TLR5: variants seen among roughly 807,000 people sequenced by gnomAD.
The protein encoded by TLR5 is toll-like receptor 5.
For synonymous variants in TLR5, 373 were observed against 384.4 expected, an observed-to-expected ratio of 0.97 and a Z score of 0.35; for missense variants, 944 against 999.8, an observed-to-expected ratio of 0.94 and a Z score of 0.75.
intron 5 of TLR5, among the ~76,000 whole-genome samples, chr1:223,130,223 C>T (rs1161125239): frequency 6.6e-6 from 1 of 152,128 alleles, no homozygotes; most frequent in African/African-American, 2.4e-5. Flanking sequence ...AGCTGCAGAC[C>T]ACCTACTAAA....
chr1:223,132,243 G>C (rs906318686), intron 5 of TLR5, among the ~76,000 whole-genome samples: 3 of 152,088 alleles, frequency 2.0e-5, no homozygotes, highest in Admixed American at 6.5e-5. Flanking sequence ...TGCACCTGTA[G>C]TCTGAGCTAT....
intron 5 of TLR5, among the ~76,000 whole-genome samples, chr1:223,126,561 A>C (rs1056316712): frequency 6.6e-6 from 1 of 152,224 alleles, no homozygotes; most frequent in Non-Finnish European, 1.5e-5. Context: ...ACAAATACCC[A>C]AACTGGACTT....
At chr1:223,118,877 G>T (rs952580431) in intron 5 of TLR5, among the ~76,000 whole-genome samples, 1 of 152,082 alleles carries the variant, frequency 6.6e-6, no homozygotes, top group Non-Finnish European at 1.5e-5. Context: ...GCTGAGGCAG[G>T]CGGATCACCT....
chr1:223,112,345 C>T lies in TLR5; in HGVS notation c.687G>A (p.Glu229=). ...AGCCATTTCCAGAAACATCTAGTAT[C>T]TCCAGCACCATGTTTCTGAATGGGT... ...CMNPFRNMVL[E]ILDVSGNGWT... The change falls in exon 6 of 6, where the codon GAG becomes GAA. Residue 229 remains glutamate, a synonymous_variant. Coordinates refer to ENST00000642603, the MANE Select transcript of TLR5 (RefSeq NM_003268.6). The T allele has an allele frequency of 6.2e-7, 1 of 1,614,214 alleles. No homozygotes were observed. Among genetic ancestry groups the T allele is most frequent in the Non-Finnish European group, 8.5e-7 (1 of 1,180,048 alleles).
Position 223,110,396 on chromosome 1 carries a change from G to A in TLR5, c.*59C>T. ...GAGGACCCCAAAATGATAACTTGGT[G>A]CAAATACAAAGTGAAGAGTTATTTG... On this transcript the variant is annotated 3_prime_UTR_variant, in exon 6 of 6. Coordinates refer to ENST00000642603, the MANE Select transcript of TLR5 (RefSeq NM_003268.6). The A allele has an allele frequency of 3.8e-6, 6 of 1,578,864 alleles. No individual in the cohort carries two copies. The highest frequency in any genetic ancestry group is 2.2e-5 in the East Asian group (1 of 44,698).
chr1:223,126,907 A>G (rs750754977), intron 5 of TLR5: 2 of 152,262 alleles, frequency 1.3e-5, no homozygotes, highest in Non-Finnish European at 2.9e-5. Flanking sequence ...GAGAAGGGTC[A>G]GTATCCCTTT....
chr1:223,119,190 C>T (rs576032053), intron 5 of TLR5, among the ~76,000 whole-genome samples: 1 of 152,190 alleles, frequency 6.6e-6, no homozygotes, highest in East Asian at 1.9e-4. Flanking sequence ...TTGGTTGACA[C>T]GTGCATGACA....
At chr1:223,118,801 A>G (rs1009583162) in intron 5 of TLR5, among the ~76,000 whole-genome samples, 1 of 151,940 alleles carries the variant, frequency 6.6e-6, no homozygotes, top group Non-Finnish European at 1.5e-5. Flanking sequence ...GCCCTGACCT[A>G]GAAGGAAGTC....
At chr1:223,126,635 TTAC>T (rs1657178091) in intron 5 of TLR5, among the ~76,000 whole-genome samples, 1 of 152,202 alleles carries the variant, frequency 6.6e-6, no homozygotes, top group Non-Finnish European at 1.5e-5. Context: ...CATATCCCAG[TTAC>T]TCTGAAGCTA....
rs1403423173 is a variant in TLR5, at chr1:223,112,897, G to C, written c.135C>G (p.Leu45=). The stretch of plus-strand genomic sequence containing the variant: ...TCAGCAGGAGCCTCTCAGTGGTGTT[G>C]AGGACCTGGGGGACCTGGGTGAGGT... The part of the protein sequence containing the change: ...FCNLTQVPQV[L]NTTERLLLSF... The change falls in exon 6 of 6, where the codon CTC becomes CTG. Residue 45 remains leucine (L), a synonymous_variant. Coordinates refer to ENST00000642603, the MANE Select transcript of TLR5 (RefSeq NM_003268.6). 3 of 1,614,188 alleles carry C rather than the reference G, an allele frequency of 1.9e-6. No homozygotes were observed. Among genetic ancestry groups the C allele is most frequent in the South Asian group, 1.1e-5 (1 of 91,078 alleles).
intron 5 of TLR5, among the ~76,000 whole-genome samples, chr1:223,129,768 C>T (rs937047795): frequency 6.6e-6 from 1 of 152,248 alleles, no homozygotes; most frequent in African/African-American, 2.4e-5. Flanking sequence ...AGCCATCACA[C>T]GCCTGAGCAG....
At chr1:223,134,481 C>A (rs1657524609) in intron 4 of TLR5, 1 of 152,190 alleles carries the variant, frequency 6.6e-6, no homozygotes, top group African/African-American at 2.4e-5. Flanking sequence ...GGCGCTGATA[C>A]TCTGAAAAGT....
At chr1:223,141,818 TATATAG>T (rs1376259998) in intron 1 of TLR5, 55 bp from the exon 2 acceptor site, 534 of 43,158 alleles carry the variant, frequency 0.012, 2 homozygotes, top group Middle Eastern at 0.036. Context: ...TATATATATA[TATATAG>T]AGAGAGAGAG....
chr1:223,138,558 C>T (rs984784602), intron 2 of TLR5, among the ~76,000 whole-genome samples: 2 of 152,174 alleles, frequency 1.3e-5, no homozygotes, highest in African/African-American at 4.8e-5. Flanking sequence ...TAGGCCTGAC[C>T]TCACTTGTAC....
intron 4 of TLR5, 50 bp downstream of exon 4, chr1:223,134,632 T>C (rs529653954): frequency 6.6e-6 from 1 of 152,422 alleles, no homozygotes; most frequent in South Asian, 2.1e-4. Context: ...TAGCACAACA[T>C]TTAAAATCGT....
chr1:223,132,803 C>G (rs1303384019), intron 4 of TLR5, among the ~76,000 whole-genome samples, 164 bp from the exon 5 acceptor site: 2 of 152,208 alleles, frequency 1.3e-5, no homozygotes, highest in Non-Finnish European at 2.9e-5. Context: ...TTTTGTAAAT[C>G]AAGGCGGACA....
chr1:223,120,677 GGA>G lies in TLR5; in HGVS notation c.-4-7644_-4-7643del, dbSNP rs552750941. On this transcript the variant is annotated intron_variant, in intron 5 of 5. Coordinates refer to ENST00000642603, the MANE Select transcript of TLR5 (RefSeq NM_003268.6). ...ACTTCATGATGGCCAGTGCCTCTGT[GGA>G]GAATCAAACAATGTCACAAACAGTG... Among the ~76,000 whole-genome samples, 4 of 152,318 alleles carry G rather than the reference GGA, an allele frequency of 2.6e-5. No homozygotes were observed. In the South Asian group the frequency reaches 8.3e-4, roughly 32 times the overall value.
rs66839180 is a variant in TLR5, at chr1:223,117,562, C to CAAA, written c.-4-4530_-4-4528dup. 3.7e-4 allele frequency among the ~76,000 whole-genome samples: 39 copies of CAAA among 105,042 alleles called. 2 individuals are homozygous for CAAA. The highest frequency in any genetic ancestry group is 6.4e-4 in the Non-Finnish European group (33 of 51,614). 68.9% of individuals were successfully genotyped at this position (105,042 alleles called of 152,430 possible). On this transcript the variant is annotated intron_variant, in intron 5 of 5. Coordinates refer to ENST00000642603, the MANE Select transcript of TLR5 (RefSeq NM_003268.6). ...CAAACAGAAAGAAGCATGGTGTTCA[C>CAAA]AAAAAAAAAAAAAAAAAAAAAGAAA...
chr1:223,125,613 G>A (rs1657133949), intron 5 of TLR5, among the ~76,000 whole-genome samples: 1 of 151,690 alleles, frequency 6.6e-6, no homozygotes, highest in Admixed American at 6.6e-5. Flanking sequence ...GGTTGGTGGT[G>A]ATGGTGGTGG....
Sources: allele counts gnomAD v4.1 joint callset (sites outside exome capture counted in the v4.1 genomes callset), GRCh38; gene constraint gnomAD v4.1.1; transcripts MANE v1.5; gene names NCBI Gene and HGNC (gene_info 2026-07-23, HGNC 2026-07-21).